FMN1: variants seen among roughly 807,000 people sequenced by gnomAD.
FMN1 encodes the protein formin 1.
A neutral mutation model predicts 132.4 loss-of-function variants in FMN1; 110 were observed. That is an observed-to-expected ratio of 0.83 (90% CI 0.71 to 0.97). The LOEUF (loss-of-function observed/expected upper bound fraction) is 0.97, where lower values mean the gene tolerates loss of function less well. FMN1 is among the 50% of genes least tolerant of loss of function. FMN1 has a pLI of 0.00. For synonymous variants in FMN1, 722 were observed against 651.7 expected (o/e 1.11, Z -1.64); for missense variants, 1,792 against 1,705.3 (o/e 1.05, Z -0.90).
intron 7 of FMN1, among the ~76,000 whole-genome samples, chr15:32,995,913 T>C (rs2033741338): frequency 6.6e-6 from 1 of 152,238 alleles, no homozygotes; most frequent in Non-Finnish European, 1.5e-5. Flanking sequence ...CATCATACTT[T>C]TATAACATAT....
intron 9 of FMN1, among the ~76,000 whole-genome samples, chr15:32,953,433 C>T (rs1384060002): frequency 3.9e-5 from 6 of 152,168 alleles, no homozygotes; most frequent in Non-Finnish European, 5.9e-5. Flanking sequence ...TTTTGAATTT[C>T]CAATGGTCTC....
intron 3 of FMN1, among the ~76,000 whole-genome samples, chr15:33,171,443 T>C (rs1459842460): frequency 1.3e-5 from 2 of 152,216 alleles, no homozygotes; most frequent in Non-Finnish European, 1.5e-5. Context: ...TTACACATTC[T>C]ATGTATGTAA....
chr15:32,905,433 G>A (rs576628853), intron 12 of FMN1, among the ~76,000 whole-genome samples: 1 of 152,328 alleles, frequency 6.6e-6, no homozygotes, highest in African/African-American at 2.4e-5. Context: ...ACAATAGACT[G>A]TGTATAGTGT....
intron 6 of FMN1, among the ~76,000 whole-genome samples, chr15:33,061,115 T>C (rs1595378807): frequency 6.6e-6 from 1 of 152,146 alleles, no homozygotes; most frequent in South Asian, 2.1e-4. Flanking sequence ...TTAAATTCGG[T>C]GTCATGTTTT....
At chr15:33,026,016 A>G (rs902453857) in intron 6 of FMN1, among the ~76,000 whole-genome samples, 1 of 152,150 alleles carries the variant, frequency 6.6e-6, no homozygotes, top group Admixed American at 6.5e-5. Context: ...TAATGTTTAC[A>G]ATGATATGGC....
Position 32,897,403 on chromosome 15 carries a change from C to CA in FMN1, c.3714+1430dup, listed in dbSNP as rs971073276. On this transcript the variant is annotated intron_variant, in intron 15 of 20. Transcript: ENST00000616417. ...GTAATGTTACTGGGAGACTTTTTCC[C>CA]AAAAAATCTTTAAATTTATTATTTC... 4.4e-4 allele frequency among the ~76,000 whole-genome samples: 67 copies of CA among 151,898 alleles called. No individual in the cohort carries two copies. The East Asian group carries it at 6.6e-3, about 15-fold the overall frequency.
intron 4 of FMN1, among the ~76,000 whole-genome samples, chr15:33,128,854 A>T (rs555010833): frequency 2.6e-5 from 4 of 152,256 alleles, no homozygotes; most frequent in Admixed American, 1.3e-4. Flanking sequence ...CAACCGGAGC[A>T]GACTGCAGAG....
chr15:32,776,845 G>C lies in FMN1; in HGVS notation c.4205C>G (p.Thr1402Ser). 6.3e-7 allele frequency: 1 copy of C among 1,583,116 alleles called. No individual in the cohort carries two copies. Among genetic ancestry groups the C allele is most frequent in the African/African-American group, 1.3e-5 (1 of 74,578 alleles). ...KKVETKKINP[T>S]ASLKERLRQK... ...AAAAATATATCTCACCAGGCTAGCA[G>C]TGGGATTGATTTTCTTTGTCTCCAC... The change falls in exon 20 of 21, where the codon ACT (threonine) becomes AGT (serine). Residue 1402 changes from threonine (T) to serine (S), a missense_variant. Around this residue, in one of 3 missense-constraint regions of FMN1, gnomAD observed 1,150 missense variants for 1,043.1 expected, o/e 1.10. Transcript: ENST00000616417.
At chr15:33,137,498 C>T (rs1446550863) in intron 4 of FMN1, among the ~76,000 whole-genome samples, 1 of 152,126 alleles carries the variant, frequency 6.6e-6, no homozygotes, top group Non-Finnish European at 1.5e-5. Context: ...TAAGACATGA[C>T]TGATCAGTAG....
chr15:32,983,035 A>T (rs556743183), intron 7 of FMN1, among the ~76,000 whole-genome samples: 1 of 152,200 alleles, frequency 6.6e-6, no homozygotes, highest in South Asian at 2.1e-4. Context: ...ACACGCACAC[A>T]TAGACGCACA....
chr15:33,066,145 A>G (rs756079282), intron 5 of FMN1, among the ~76,000 whole-genome samples: 2 of 152,212 alleles, frequency 1.3e-5, no homozygotes, highest in Middle Eastern at 3.2e-3. Context: ...CTGCGGAGGT[A>G]TAATTAAGGG....
chr15:32,805,141 C>T (rs1052535819), intron 17 of FMN1, among the ~76,000 whole-genome samples: 6 of 152,146 alleles, frequency 3.9e-5, no homozygotes, highest in Non-Finnish European at 7.3e-5. Context: ...AAAAGCGTTC[C>T]TATTTCTCCA....
Position 33,067,095 on chromosome 15 carries a change from CT to C in FMN1, c.2044-2022del, listed in dbSNP as rs769742111. On this transcript the variant is annotated intron_variant, in intron 5 of 20. Coordinates refer to ENST00000616417, the MANE Select transcript of FMN1 (RefSeq NM_001277313.2). ...TGGAATGACTTCTCTCCAGAGACTT[CT>C]TTTTTAGAAGAGGCACTCTCAGTGA... 4 of 1,613,968 alleles carry C rather than the reference CT, an allele frequency of 2.5e-6. No individual in the cohort carries two copies. In the Admixed American group the frequency reaches 6.7e-5, roughly 27 times the overall value.
intron 4 of FMN1, among the ~76,000 whole-genome samples, chr15:33,140,787 T>C (rs778157855): frequency 2.8e-4 from 42 of 152,030 alleles, no homozygotes; most frequent in Non-Finnish European, 4.7e-4. Context: ...GGCACAGAAG[T>C]AAAGGAAGGA....
intron 7 of FMN1, among the ~76,000 whole-genome samples, chr15:32,982,902 T>A (rs1566789752): frequency 1.3e-5 from 2 of 152,118 alleles, no homozygotes; most frequent in South Asian, 4.1e-4. Flanking sequence ...AGATCTCCAG[T>A]TTACCCTGCA....
chr15:33,174,432 C>T (rs1965441591), intron 3 of FMN1, among the ~76,000 whole-genome samples: 1 of 152,142 alleles, frequency 6.6e-6, no homozygotes, highest in African/African-American at 2.4e-5. Flanking sequence ...AGTTGGCCTT[C>T]AGAACCGCTT....
chr15:33,150,845 T>C, intron 4 of FMN1: 1 of 989,486 alleles, frequency 1.0e-6, no homozygotes, highest in Non-Finnish European at 1.2e-6. Flanking sequence ...ATAGCTAACC[T>C]GGGAGAAAGG....
chr15:33,071,168 CA>C (rs2037984117), intron 5 of FMN1, among the ~76,000 whole-genome samples: 1 of 152,094 alleles, frequency 6.6e-6, no homozygotes, highest in African/African-American at 2.4e-5. Context: ...AACAAACAAA[CA>C]AAAAACAACA....
chr15:33,178,994 C>A (rs2140336753), intron 3 of FMN1, among the ~76,000 whole-genome samples: 1 of 152,278 alleles, frequency 6.6e-6, no homozygotes, highest in East Asian at 1.9e-4. Flanking sequence ...ACAAATCCAA[C>A]CTGCGTCTCT....
Sources: gnomAD v4.1 joint callset for allele counts (sites outside exome capture counted in the v4.1 genomes callset) on GRCh38, gnomAD v4.1.1 for gene constraint, gnomAD v4.1.1 regional missense constraint, MANE v1.5 for transcripts, NCBI Gene and HGNC (gene_info 2026-07-23, HGNC 2026-07-21) for gene names.